Variants in CNOT2 observed in about 807,000 individuals in gnomAD.
CNOT2 encodes the protein CC chemokine receptor 4-negative regulator of transcription 2.
A neutral mutation model predicts 72.1 loss-of-function variants in CNOT2; 7 were observed. The ratio of observed to expected loss-of-function variants is 0.10; its 90% CI spans 0.06 to 0.18. The LOEUF (loss-of-function observed/expected upper bound fraction) is 0.18, where lower values mean the gene tolerates loss of function less well. CNOT2 is among the 10% of genes least tolerant of loss of function. CNOT2 has a pLI of 1.00. For missense variants in CNOT2, 345 were observed against 660.3 expected (o/e 0.52, Z 5.23); for synonymous variants, 196 against 225.6 (o/e 0.87, Z 1.17).
intron 1 of CNOT2, among the ~76,000 whole-genome samples, chr12:70,265,539 T>G (rs980258557): frequency 2.6e-5 from 4 of 152,090 alleles, no homozygotes; most frequent in Non-Finnish European, 4.4e-5. Context: ...CTTTTTTCTT[T>G]GTCAGTCTGC....
intron 15 of CNOT2, among the ~76,000 whole-genome samples, chr12:70,351,031 A>G (rs1026276683): frequency 4.6e-5 from 7 of 152,246 alleles, no homozygotes; most frequent in Non-Finnish European, 4.4e-5. Context: ...TTTTATTAAT[A>G]GAAGAACTAA....
intron 4 of CNOT2, chr12:70,327,535 T>G (rs538962304): frequency 6.6e-6 from 1 of 151,938 alleles, no homozygotes; most frequent in African/African-American, 2.4e-5. Context: ...TCAGGTTCCT[T>G]ACCTGTGTGT....
chr12:70,247,725 T>TTGTTTA (rs1267671949), intron 1 of CNOT2, among the ~76,000 whole-genome samples: 2 of 152,238 alleles, frequency 1.3e-5, no homozygotes, highest in South Asian at 2.1e-4. Flanking sequence ...TGGCCTTGAC[T>TTGTTTA]TGTTTATGTT....
At chr12:70,260,946 A>G (rs1033993339) in intron 1 of CNOT2, among the ~76,000 whole-genome samples, 1 of 150,720 alleles carries the variant, frequency 6.6e-6, no homozygotes, top group Non-Finnish European at 1.5e-5. Context: ...ACCTTGTATT[A>G]TCTCTGATCA....
chr12:70,268,218 A>G (rs1307904029), intron 1 of CNOT2, among the ~76,000 whole-genome samples: 1 of 152,030 alleles, frequency 6.6e-6, no homozygotes. Context: ...TTTTTGAAGG[A>G]TGCTTTTGAT....
chr12:70,312,735 C>T (rs1245753772), intron 3 of CNOT2, among the ~76,000 whole-genome samples: 1 of 151,922 alleles, frequency 6.6e-6, no homozygotes, highest in Non-Finnish European at 1.5e-5. Flanking sequence ...TGCCTGTTAG[C>T]AAGAACTTCT....
intron 1 of CNOT2, among the ~76,000 whole-genome samples, chr12:70,246,395 G>A (rs1052582002): frequency 1.3e-5 from 2 of 152,182 alleles, no homozygotes; most frequent in Admixed American, 6.5e-5. Flanking sequence ...TGGATCTGTA[G>A]TGGATTTTGT....
At chr12:70,279,131 T>G (rs1237935363) in intron 2 of CNOT2, among the ~76,000 whole-genome samples, 1 of 152,170 alleles carries the variant, frequency 6.6e-6, no homozygotes, top group Non-Finnish European at 1.5e-5. Context: ...CACTCATCAG[T>G]TCATTCCCTC....
At chr12:70,337,244 G>C in intron 8 of CNOT2, 145 bp from the exon 9 acceptor site, 1 of 565,398 alleles carries the variant, frequency 1.8e-6, no homozygotes, top group Non-Finnish European at 3.1e-6. Context: ...TGTTACCCTG[G>C]ATACTAATTT....
chr12:70,297,747 T>C, intron 2 of CNOT2: 2 of 379,568 alleles, frequency 5.3e-6, no homozygotes, highest in South Asian at 3.7e-5. Context: ...TTTTTTTGTT[T>C]TCATTTTTGA....
At chr12:70,279,087 T>C (rs1869374098) in intron 2 of CNOT2, among the ~76,000 whole-genome samples, 1 of 152,218 alleles carries the variant, frequency 6.6e-6, no homozygotes, top group Non-Finnish European at 1.5e-5. Flanking sequence ...TGCACAGATA[T>C]GTGTCCAACC....
At chr12:70,311,857 G>A (rs966939597) in intron 3 of CNOT2, among the ~76,000 whole-genome samples, 2 of 151,808 alleles carry the variant, frequency 1.3e-5, no homozygotes, top group African/African-American at 2.4e-5. Context: ...TTATACTGAT[G>A]TTTGAAGCAT....
intron 2 of CNOT2, among the ~76,000 whole-genome samples, chr12:70,284,204 C>G (rs1870450848): frequency 6.6e-6 from 1 of 151,678 alleles, no homozygotes; most frequent in Non-Finnish European, 1.5e-5. Flanking sequence ...CCTCGACCTC[C>G]CAATGTGCTG....
chr12:70,274,691 A>G (rs1868463272), intron 1 of CNOT2, among the ~76,000 whole-genome samples: 1 of 152,120 alleles, frequency 6.6e-6, no homozygotes. Context: ...AGCTTAGGAA[A>G]CTAAGGCCAG....
At position 70,353,075 on chromosome 12, in the gene CNOT2, C is replaced by CT. The variant is rs372881091; in HGVS notation, c.1537-738dup. Among the ~76,000 whole-genome samples the CT allele has an allele frequency of 0.017, 2,365 of 135,506 alleles. 151 individuals carry two copies. The East Asian group carries it at 0.23, about 13-fold the overall frequency. 88.9% of individuals were successfully genotyped at this position (135,506 alleles called of 152,430 possible). Reference sequence around the variant, plus strand: ...GGTTAGAATAATTTTATGTGTTTTCCTTTTTTTTTTTTTTTTAGACGGAGT... The same window carrying CT: ...GGTTAGAATAATTTTATGTGTTTTCCTTTTTTTTTTTTTTTTTAGACGGAGT... On this transcript the variant is annotated intron_variant, in intron 15 of 15. Coordinates refer to ENST00000229195, the MANE Select transcript of CNOT2 (RefSeq NM_014515.7).
At chr12:70,303,881 C>T (rs1211691816) in intron 2 of CNOT2, among the ~76,000 whole-genome samples, 2 of 152,204 alleles carry the variant, frequency 1.3e-5, no homozygotes, top group Non-Finnish European at 2.9e-5. Context: ...TTCACATAGT[C>T]CCATATTTCT....
At chr12:70,251,657 AT>A (rs1176139044) in intron 1 of CNOT2, among the ~76,000 whole-genome samples, 1 of 152,204 alleles carries the variant, frequency 6.6e-6, no homozygotes, top group Non-Finnish European at 1.5e-5. Context: ...TGTTTATGAC[AT>A]TTTTGAAAGA....
chr12:70,329,721 G>A, intron 5 of CNOT2, 151 bp downstream of exon 5: 2 of 633,304 alleles, frequency 3.2e-6, no homozygotes, highest in South Asian at 3.8e-5. Context: ...TTATTTCAGT[G>A]CAAATTGTTA....
chr12:70,254,251 A>G (rs1430059138), intron 1 of CNOT2, among the ~76,000 whole-genome samples: 3 of 151,800 alleles, frequency 2.0e-5, no homozygotes, highest in Non-Finnish European at 4.4e-5. Flanking sequence ...AAAAAAAAAA[A>G]AAGAACAATT....
Sources: gnomAD v4.1 joint callset for allele counts (sites outside exome capture counted in the v4.1 genomes callset) on GRCh38, gnomAD v4.1.1 for gene constraint, MANE v1.5 for transcripts, NCBI Gene and HGNC (gene_info 2026-07-23, HGNC 2026-07-21) for gene names.